The following ZNG1E variants were observed in gnomAD, a reference collection of about 807,000 sequenced individuals.
The protein encoded by ZNG1E is Zn regulated GTPase metalloprotein activator 1E, also known as zinc-regulated GTPase metalloprotein activator 1E.
the ZNG1E span, among the ~76,000 whole-genome samples, chr9:65,659,569 T>C: frequency 1.3e-5 from 2 of 151,424 alleles, no homozygotes; most frequent in African/African-American, 2.4e-5. Context: ...TCAGAGGATA[T>C]GAAGTAAACA....
At chr9:65,711,029 C>T in the ZNG1E span, among the ~76,000 whole-genome samples, 1 of 143,488 alleles carries the variant, frequency 7.0e-6, no homozygotes, top group Non-Finnish European at 1.5e-5. Flanking sequence ...CTTTTATTTC[C>T]TTGAGAAGTG....
chr9:65,659,034 G>A, the ZNG1E span, among the ~76,000 whole-genome samples: 1 of 152,102 alleles, frequency 6.6e-6, no homozygotes, highest in Non-Finnish European at 1.5e-5. Context: ...AGTGGGGCAG[G>A]GGACACAATT....
chr9:65,721,932 A>G, the ZNG1E span, among the ~76,000 whole-genome samples: 6 of 150,506 alleles, frequency 4.0e-5, no homozygotes, highest in African/African-American at 1.5e-4. Flanking sequence ...GCCTATCACT[A>G]GATTCATGGC....
chr9:65,668,405 C>T, the ZNG1E span, among the ~76,000 whole-genome samples: 15 of 143,872 alleles, frequency 1.0e-4, no homozygotes, highest in East Asian at 2.0e-4. Flanking sequence ...AGATACTCCA[C>T]GTTTTATCCT....
the ZNG1E span, among the ~76,000 whole-genome samples, chr9:65,684,742 A>G: frequency 6.6e-6 from 1 of 152,178 alleles, no homozygotes; most frequent in African/African-American, 2.4e-5. Flanking sequence ...GAGGGGGTCA[A>G]GCAAGCTGTT....
At chr9:65,679,988 C>G in the ZNG1E span, among the ~76,000 whole-genome samples, 1 of 152,282 alleles carries the variant, frequency 6.6e-6, no homozygotes, top group South Asian at 2.1e-4. Flanking sequence ...AGTTAAAACT[C>G]AATATTTTAA....
At chr9:65,704,599 T>G in the ZNG1E span, 1 of 940,792 alleles carries the variant, frequency 1.1e-6, no homozygotes, top group Non-Finnish European at 1.2e-6. Context: ...GCATAGCAAC[T>G]TGAGCTTACC....
At chr9:65,709,989 A>G in the ZNG1E span, among the ~76,000 whole-genome samples, 2 of 149,354 alleles carry the variant, frequency 1.3e-5, no homozygotes, top group East Asian at 1.9e-4. Context: ...AAGTGTTCCT[A>G]TTTCTCCACA....
chr9:65,660,828 G>GATATATATATATAT, the ZNG1E span, among the ~76,000 whole-genome samples: 1 of 130,336 alleles, frequency 7.7e-6, no homozygotes, highest in Non-Finnish European at 1.6e-5. Context: ...TGGTTATACA[G>GATATATATATATAT]ATATATATAT....
chr9:65,668,538 T>C, the ZNG1E span, among the ~76,000 whole-genome samples: 1 of 150,794 alleles, frequency 6.6e-6, no homozygotes, highest in Non-Finnish European at 1.5e-5. Flanking sequence ...TGTGTATATA[T>C]ATTTTAATAA....
chr9:65,658,894 C>G, the ZNG1E span, among the ~76,000 whole-genome samples: 1 of 151,346 alleles, frequency 6.6e-6, no homozygotes. Flanking sequence ...GGACACCAGT[C>G]ATATTAGGTT....
At chr9:65,709,261 G>C in the ZNG1E span, among the ~76,000 whole-genome samples, 158 of 147,174 alleles carry the variant, frequency 1.1e-3, no homozygotes, top group Non-Finnish European at 5.4e-4. Flanking sequence ...TGAAATACAT[G>C]GAAAATTTTA....
chr9:65,683,766 C>A, the ZNG1E span, among the ~76,000 whole-genome samples: 23 of 152,218 alleles, frequency 1.5e-4, no homozygotes, highest in African/African-American at 5.3e-4. Context: ...TAACATCATC[C>A]CCATGTTTTC....
the ZNG1E span, among the ~76,000 whole-genome samples, chr9:65,722,667 A>C: frequency 1.5e-5 from 1 of 64,800 alleles, no homozygotes; most frequent in Non-Finnish European, 2.6e-5. Flanking sequence ...AGTAGCTGGG[A>C]TTACAGGCAT....
chr9:65,657,895 G>C, the ZNG1E span, among the ~76,000 whole-genome samples: 41 of 152,314 alleles, frequency 2.7e-4, no homozygotes, highest in South Asian at 6.2e-4. Flanking sequence ...GAGGTCGGGA[G>C]TTTGAGACCA....
the ZNG1E span, among the ~76,000 whole-genome samples, chr9:65,657,083 C>A: frequency 1.3e-5 from 2 of 151,866 alleles, no homozygotes; most frequent in Admixed American, 6.6e-5. Context: ...TGGAACTAAC[C>A]AAGACTATGC....
At chr9:65,657,749 T>A in the ZNG1E span, among the ~76,000 whole-genome samples, 2 of 152,288 alleles carry the variant, frequency 1.3e-5, no homozygotes, top group African/African-American at 4.8e-5. Context: ...AAAGGATAAA[T>A]GCTTGAGGCA....
At chr9:65,659,490 G>C in the ZNG1E span, among the ~76,000 whole-genome samples, 1 of 116,188 alleles carries the variant, frequency 8.6e-6, no homozygotes, top group Non-Finnish European at 1.6e-5. Flanking sequence ...ATGAGACTCC[G>C]TCTCAAAAAA....
the ZNG1E span, chr9:65,681,824 T>C: frequency 6.5e-7 from 1 of 1,544,992 alleles, no homozygotes; most frequent in Non-Finnish European, 8.7e-7. Context: ...GGAAGCATTT[T>C]CTTAAAGTGT....
Sources: gnomAD v4.1 joint callset for allele counts (sites outside exome capture counted in the v4.1 genomes callset) on GRCh38, gnomAD v4.1.1 for gene constraint, MANE v1.5 for transcripts, NCBI Gene and HGNC (gene_info 2026-07-23, HGNC 2026-07-21) for gene names.